SGCZ: variants seen among roughly 807,000 people sequenced by gnomAD.
The protein encoded by SGCZ is sarcoglycan zeta, also known as zeta-sarcoglycan.
SGCZ carries 40 observed loss-of-function variants against 41.3 expected under a neutral mutation model. The observed-to-expected ratio is 0.97, with a 90% CI of 0.75 to 1.26. The LOEUF (loss-of-function observed/expected upper bound fraction) is 1.26, where lower values mean the gene tolerates loss of function less well. SGCZ is among the 50% of genes most tolerant of loss of function. The pLI is 0.00. For missense variants in SGCZ, 552 were observed against 369.8 expected (o/e 1.49, Z -4.04); for synonymous variants, 206 against 137.5 (o/e 1.50, Z -3.49).
At chr8:14,710,736 C>T (rs920191724) in intron 1 of SGCZ, among the ~76,000 whole-genome samples, 1 of 151,800 alleles carries the variant, frequency 6.6e-6, no homozygotes, top group Non-Finnish European at 1.5e-5. Context: ...TTTTATAGAA[C>T]CAAAAAAATA....
intron 2 of SGCZ, among the ~76,000 whole-genome samples, chr8:14,528,470 T>G (rs1585635247): frequency 6.6e-6 from 1 of 152,102 alleles, no homozygotes; most frequent in African/African-American, 2.4e-5. Context: ...TATAGAGTTA[T>G]ATGTACCAAA....
At chr8:14,823,160 A>G (rs1802172593) in intron 1 of SGCZ, among the ~76,000 whole-genome samples, 1 of 151,984 alleles carries the variant, frequency 6.6e-6, no homozygotes, top group African/African-American at 2.4e-5. Flanking sequence ...GCTTCATGAC[A>G]TTGGGCTAGG....
At chr8:15,134,313 T>TTG (rs3069837) in intron 1 of SGCZ, among the ~76,000 whole-genome samples, 4,573 of 151,542 alleles carry the variant, frequency 0.03, 93 homozygotes, top group Middle Eastern at 0.054. Flanking sequence ...TCTTTTTTTT[T>TTG]TTTGTTTCTT....
At chr8:14,480,575 T>C (rs1373332526) in intron 2 of SGCZ, among the ~76,000 whole-genome samples, 3 of 124,930 alleles carry the variant, frequency 2.4e-5, no homozygotes, top group Non-Finnish European at 5.3e-5. Context: ...TTATTCAATG[T>C]TCGTGTTTAA....
chr8:14,446,494 T>A (rs1365858212), intron 2 of SGCZ, among the ~76,000 whole-genome samples: 1 of 152,238 alleles, frequency 6.6e-6, no homozygotes, highest in Non-Finnish European at 1.5e-5. Flanking sequence ...ATTTCTATTT[T>A]GACTTGAAGA....
intron 5 of SGCZ, among the ~76,000 whole-genome samples, chr8:14,140,271 A>G (rs1170805411): frequency 6.6e-6 from 1 of 152,148 alleles, no homozygotes; most frequent in Non-Finnish European, 1.5e-5. Flanking sequence ...CAAGACAAGG[A>G]TGCCCTTCCA....
intron 1 of SGCZ, among the ~76,000 whole-genome samples, chr8:14,804,697 G>A (rs1055492999): frequency 2.4e-5 from 3 of 125,544 alleles, no homozygotes; most frequent in Non-Finnish European, 5.3e-5. Flanking sequence ...TAGCAAGGCA[G>A]GCCAACGTTC....
chr8:14,604,775 G>T (rs1805695948), intron 1 of SGCZ, among the ~76,000 whole-genome samples: 1 of 152,110 alleles, frequency 6.6e-6, no homozygotes, highest in African/African-American at 2.4e-5. Flanking sequence ...TGTGACTGCT[G>T]ATATCAAAGA....
intron 1 of SGCZ, among the ~76,000 whole-genome samples, chr8:15,067,867 T>C (rs1805209103): frequency 6.6e-6 from 1 of 152,092 alleles, no homozygotes; most frequent in Non-Finnish European, 1.5e-5. Flanking sequence ...GCATGCCCAT[T>C]CCTCCTGTGC....
chr8:15,093,928 T>C (rs1387165689), intron 1 of SGCZ, among the ~76,000 whole-genome samples: 1 of 152,178 alleles, frequency 6.6e-6, no homozygotes, highest in African/African-American at 2.4e-5. Context: ...CGGGTTCTTC[T>C]ATGGGTCCTT....
At chr8:14,628,277 T>C (rs899281024) in intron 1 of SGCZ, among the ~76,000 whole-genome samples, 3 of 152,034 alleles carry the variant, frequency 2.0e-5, no homozygotes, top group Non-Finnish European at 4.4e-5. Flanking sequence ...ATTGTATACA[T>C]CTCTTAAAAT....
At chr8:14,648,199 T>G (rs1261972590) in intron 1 of SGCZ, among the ~76,000 whole-genome samples, 1 of 152,040 alleles carries the variant, frequency 6.6e-6, no homozygotes, top group Admixed American at 6.6e-5. Context: ...TAATTCAAAA[T>G]AATCAAAAAA....
At chr8:14,280,734 G>A (rs566812718) in intron 3 of SGCZ, among the ~76,000 whole-genome samples, 3 of 151,352 alleles carry the variant, frequency 2.0e-5, no homozygotes, top group African/African-American at 4.8e-5. Flanking sequence ...TTTCAAACGA[G>A]GAAGTTATGT....
intron 4 of SGCZ, among the ~76,000 whole-genome samples, chr8:14,185,149 C>A (rs1001858616): frequency 6.6e-6 from 1 of 152,070 alleles, no homozygotes; most frequent in Non-Finnish European, 1.5e-5. Context: ...CACCTGTAAT[C>A]CCAGCACTTT....
At chr8:15,077,583 T>A (rs559444627) in intron 1 of SGCZ, among the ~76,000 whole-genome samples, 1 of 152,222 alleles carries the variant, frequency 6.6e-6, no homozygotes, top group Non-Finnish European at 1.5e-5. Flanking sequence ...ATTTCCATTA[T>A]AACTTTAACC....
intron 4 of SGCZ, among the ~76,000 whole-genome samples, chr8:14,176,457 T>C (rs1487350293): frequency 6.6e-6 from 1 of 152,192 alleles, no homozygotes; most frequent in African/African-American, 2.4e-5. Context: ...AACTGAATAA[T>C]TACAATATTA....
chr8:15,017,666 C>CTG (rs2130937084), intron 1 of SGCZ, among the ~76,000 whole-genome samples: 1 of 152,126 alleles, frequency 6.6e-6, no homozygotes, highest in Admixed American at 6.5e-5. Flanking sequence ...TCATCATGCC[C>CTG]AGCTAGTTTT....
intron 1 of SGCZ, among the ~76,000 whole-genome samples, chr8:14,878,208 T>C (rs1804440984): frequency 6.6e-6 from 1 of 151,726 alleles, no homozygotes; most frequent in African/African-American, 2.4e-5. Context: ...CTTTTTTTTT[T>C]TTTCCATTTT....
At chr8:14,187,882 G>C (rs935735597) in intron 4 of SGCZ, among the ~76,000 whole-genome samples, 2 of 152,030 alleles carry the variant, frequency 1.3e-5, no homozygotes, top group Non-Finnish European at 2.9e-5. Flanking sequence ...CCCACACATG[G>C]ATGCATCATA....
Sources: gnomAD v4.1 joint callset for allele counts (sites outside exome capture counted in the v4.1 genomes callset) on GRCh38, gnomAD v4.1.1 for gene constraint, MANE v1.5 for transcripts, NCBI Gene and HGNC (gene_info 2026-07-23, HGNC 2026-07-21) for gene names.